Variants in MYO5A observed in about 807,000 individuals in gnomAD.
The protein encoded by MYO5A is myosin VA.
MYO5A carries 98 observed loss-of-function variants against 249.7 expected under a neutral mutation model. The ratio of observed to expected loss-of-function variants is 0.39; its 90% CI spans 0.33 to 0.46. The LOEUF (loss-of-function observed/expected upper bound fraction) is 0.46, where lower values mean the gene tolerates loss of function less well. MYO5A is among the 20% of genes least tolerant of loss of function. The pLI, the probability that MYO5A is intolerant of heterozygous loss-of-function variation, is 0.98. For missense variants in MYO5A, 1,696 were observed against 2,308.8 expected (o/e 0.73, Z 5.44); for synonymous variants, 778 against 810.6 (o/e 0.96, Z 0.68).
At chr15:52,526,328 C>G (rs934160382) in intron 1 of MYO5A, among the ~76,000 whole-genome samples, 2 of 152,142 alleles carry the variant, frequency 1.3e-5, no homozygotes, top group African/African-American at 2.4e-5. Flanking sequence ...TCTCGAGTAG[C>G]TGGGACCGCA....
Position 52,337,894 on chromosome 15 carries a change from C to T in MYO5A, c.4240-10G>A. ...ATAATTCCTCAAAATACTGAAAAAACAGGCACAATGGATATTTGTTTTTGT... is the reference window on the plus strand; with the variant it reads ...ATAATTCCTCAAAATACTGAAAAAATAGGCACAATGGATATTTGTTTTTGT... On this transcript the variant is annotated splice_polypyrimidine_tract_variant and intron_variant, in intron 32 of 41. Coordinates refer to ENST00000399233, the MANE Select transcript of MYO5A (RefSeq NM_001382347.1). The T allele has an allele frequency of 6.6e-7, 1 of 1,521,268 alleles. No homozygotes were observed. The highest frequency in any genetic ancestry group is 8.9e-7 in the Non-Finnish European group (1 of 1,124,238). The allele number at this position is 1,521,268 out of a possible 1,614,324, so 94.2% of individuals were successfully genotyped here. A position where few individuals can be genotyped will look rare whatever the true frequency, so the allele number is the denominator to read the frequency against.
At chr15:52,341,757 G>A (rs1043817479) in intron 31 of MYO5A, among the ~76,000 whole-genome samples, 9 of 151,780 alleles carry the variant, frequency 5.9e-5, no homozygotes, top group Non-Finnish European at 1.0e-4. Context: ...AGCAGAATAA[G>A]CAGAAGCCCC....
chr15:52,335,705 T>C (rs1023002012), intron 34 of MYO5A, among the ~76,000 whole-genome samples: 1 of 152,130 alleles, frequency 6.6e-6, no homozygotes, highest in Admixed American at 6.6e-5. Context: ...ATCATCATCA[T>C]ATAGAAATCA....
intron 1 of MYO5A, among the ~76,000 whole-genome samples, chr15:52,507,051 G>C (rs1459969256): frequency 6.6e-6 from 1 of 152,074 alleles, no homozygotes; most frequent in Non-Finnish European, 1.5e-5. Flanking sequence ...CCCCTGTAGA[G>C]GTCTTCCAGA....
chr15:52,386,553 T>C (rs1290963649), intron 14 of MYO5A, among the ~76,000 whole-genome samples: 3 of 150,550 alleles, frequency 2.0e-5, no homozygotes, highest in African/African-American at 7.3e-5. Flanking sequence ...ACACTTTAAC[T>C]CTTTTTTTTT....
chr15:52,376,260 T>A, intron 19 of MYO5A, 87 bp downstream of exon 19: 1 of 1,251,902 alleles, frequency 8.0e-7, no homozygotes, highest in Non-Finnish European at 1.2e-6. Flanking sequence ...TGAGGTGTTA[T>A]CTTTTCAGCT....
chr15:52,482,583 A>G (rs1043052643), intron 1 of MYO5A, among the ~76,000 whole-genome samples: 2 of 152,210 alleles, frequency 1.3e-5, no homozygotes, highest in African/African-American at 4.8e-5. Context: ...CACATCAAAA[A>G]CAACTCAACA....
At chr15:52,521,227 C>CA (rs10533876) in intron 1 of MYO5A, among the ~76,000 whole-genome samples, 2,637 of 137,834 alleles carry the variant, frequency 0.019, 64 homozygotes, top group African/African-American at 0.068. Flanking sequence ...GACTCTGTCT[C>CA]AAAAAAAAAA....
chr15:52,323,277 T>C, intron 37 of MYO5A, 78 bp downstream of exon 37: 2 of 1,313,576 alleles, frequency 1.5e-6, no homozygotes, highest in Middle Eastern at 1.8e-4. Flanking sequence ...TGGTTAAACA[T>C]TTTGTGCTTT....
Position 52,323,408 on chromosome 15 carries a change from G to A in MYO5A, c.4747C>T (p.Leu1583Phe). ...GDDFETVSFWLSNTCRFLHCL... is the reference protein window; with the variant it reads ...GDDFETVSFWFSNTCRFLHCL... ...TGCAAAAATCGGCATGTGTTAGAGA[G>A]CCAGAAGGAGACGGTTTCAAAATCA... The change falls in exon 37 of 42, where the codon CTC (leucine) becomes TTC (phenylalanine). Residue 1583 changes from leucine (L) to phenylalanine (F), a missense_variant. Leu to Phe is a conservative substitution (Grantham distance 22). This residue lies in a region of MYO5A where 625 missense variants were observed against 908.1 expected (regional missense o/e 0.69). Transcript: ENST00000399233. The A allele has an allele frequency of 1.9e-6, 3 of 1,613,720 alleles. No homozygotes were observed. The highest frequency in any genetic ancestry group is 2.5e-6 in the Non-Finnish European group (3 of 1,179,746).
chr15:52,427,006 T>C (rs958566185), intron 3 of MYO5A, among the ~76,000 whole-genome samples: 5 of 152,102 alleles, frequency 3.3e-5, no homozygotes, highest in East Asian at 1.9e-4. Flanking sequence ...TTAAATGTCA[T>C]AGGAAAACAT....
In MYO5A at chr15:52,319,042, G is replaced by T; in HGVS notation, c.5234+18C>A. The T allele has an allele frequency of 6.2e-7, 1 of 1,613,718 alleles. No individual in the cohort carries two copies. Among genetic ancestry groups the T allele is most frequent in the South Asian group, 1.1e-5 (1 of 91,070 alleles). On this transcript the variant is annotated intron_variant, in intron 39 of 41. Transcript: ENST00000399233. ...GGGCAGCAAAAAGACACTGTCGCAG[G>T]TGTTGGCATTTGCTCACCTGATCTG... is the stretch of plus-strand genomic sequence containing the variant.
rs777523126 is a variant in MYO5A at position 52,528,828 on chromosome 15, C to T, written c.-22G>A. On this transcript the variant is annotated 5_prime_UTR_variant, in exon 1 of 42. Coordinates refer to ENST00000399233, the MANE Select transcript of MYO5A (RefSeq NM_001382347.1). ...CCATGGCGGGCCCCGCGCGCCTACGCCCCCCGCCTGTGCGGAGGCCGCACC... is the reference window on the plus strand; with the variant it reads ...CCATGGCGGGCCCCGCGCGCCTACGTCCCCCGCCTGTGCGGAGGCCGCACC... 8.8e-6 allele frequency: 13 copies of T among 1,475,128 alleles called. No individual in the cohort carries two copies. Among genetic ancestry groups the T allele is most frequent in the South Asian group, 5.1e-5 (4 of 77,846 alleles). 91.4% of individuals were successfully genotyped at this position (1,475,128 alleles called of 1,614,324 possible).
chr15:52,449,037 C>T (rs553254882), intron 1 of MYO5A, among the ~76,000 whole-genome samples: 4 of 129,170 alleles, frequency 3.1e-5, no homozygotes, highest in African/African-American at 1.2e-4. Flanking sequence ...GGCACAATCT[C>T]GGCTCACTGC....
chr15:52,450,462 T>G (rs1234696875), intron 1 of MYO5A, among the ~76,000 whole-genome samples: 2 of 150,790 alleles, frequency 1.3e-5, no homozygotes, highest in Non-Finnish European at 3.0e-5. Context: ...AGGTCAGGAG[T>G]TCGAGACCAG....
intron 27 of MYO5A, 105 bp downstream of exon 27, chr15:52,353,500 G>A: frequency 1.1e-6 from 1 of 939,356 alleles, no homozygotes; most frequent in Non-Finnish European, 1.8e-6. Context: ...GACCTCTGGT[G>A]CAATCTCCAA....
intron 31 of MYO5A, 22 bp from the exon 32 acceptor site, chr15:52,340,416 C>A: frequency 1.2e-6 from 2 of 1,607,586 alleles, no homozygotes; most frequent in South Asian, 2.2e-5. Flanking sequence ...ACACATGGGT[C>A]GGAAGGGGAG....
chr15:52,495,803 T>C (rs1427213014), intron 1 of MYO5A, among the ~76,000 whole-genome samples: 2 of 152,184 alleles, frequency 1.3e-5, no homozygotes, highest in African/African-American at 2.4e-5. Flanking sequence ...CTTGTTTTCA[T>C]TCAAAAACTC....
At position 52,372,140 on chromosome 15, in the gene MYO5A, C is replaced by T. The variant is rs753204590; in HGVS notation, c.2801G>A (p.Arg934His). The T allele has an allele frequency of 9.9e-6, 16 of 1,613,534 alleles. No individual in the cohort carries two copies. The Admixed American group carries it at 1.0e-4, about 10-fold the overall frequency. The change falls in exon 21 of 42, where the codon CGC becomes CAC. Residue 934 changes from arginine to histidine, a missense_variant. Transcript: ENST00000399233. Reference protein sequence around the residue: ...GMENKIMQLQRKVDEQNKDYK... With the variant: ...GMENKIMQLQHKVDEQNKDYK... ...GAAACACACCTGCTCATCAACTTTG[C>T]GCTGCAGCTGCATGATCTTGTTCTC...
Sources: allele counts gnomAD v4.1 joint callset (sites outside exome capture counted in the v4.1 genomes callset), GRCh38; gene constraint gnomAD v4.1.1; regional missense constraint gnomAD v4.1.1; transcripts MANE v1.5; gene names NCBI Gene and HGNC (gene_info 2026-07-23, HGNC 2026-07-21).